CADM1: variants seen among roughly 807,000 people sequenced by gnomAD.
CADM1 encodes TSLC-1.
Under a neutral mutation model 53.1 loss-of-function variants are expected in CADM1, and 15 were observed. That is an observed-to-expected ratio of 0.28 (90% confidence interval 0.19 to 0.44). CADM1 has a LOEUF of 0.44. CADM1 is among the 20% of genes least tolerant of loss of function. CADM1 has a pLI of 1.00. For missense variants in CADM1, 434 were observed against 611.3 expected, an observed-to-expected ratio of 0.71 and a Z score of 3.06; for synonymous variants, 281 against 243.0, an observed-to-expected ratio of 1.16 and a Z score of -1.45.
intron 1 of CADM1, among the ~76,000 whole-genome samples, chr11:115,338,794 G>A (rs914222599): frequency 1.3e-5 from 2 of 151,810 alleles, no homozygotes; most frequent in Non-Finnish European, 2.9e-5. Flanking sequence ...GAAGAGGGGA[G>A]GAGACTGCAA....
chr11:115,497,041 C>CG (rs1276225251), intron 1 of CADM1, among the ~76,000 whole-genome samples: 2 of 152,148 alleles, frequency 1.3e-5, no homozygotes, highest in African/African-American at 4.8e-5. Context: ...CCTCTAGGGA[C>CG]GGCATAACTC....
At chr11:115,179,722 C>CT (rs879893964) in intron 10 of CADM1, among the ~76,000 whole-genome samples, 82 of 148,000 alleles carry the variant, frequency 5.5e-4, no homozygotes, top group Non-Finnish European at 6.6e-4. Context: ...AAACCATTGT[C>CT]TTTTTTTTTT....
At chr11:115,355,147 T>C (rs1260904064) in intron 1 of CADM1, among the ~76,000 whole-genome samples, 1 of 152,176 alleles carries the variant, frequency 6.6e-6, no homozygotes. Context: ...AATCAAGTTC[T>C]CATGCACGCA....
intron 1 of CADM1, among the ~76,000 whole-genome samples, chr11:115,299,122 T>C (rs1944152851): frequency 1.3e-5 from 2 of 152,072 alleles, no homozygotes; most frequent in Non-Finnish European, 2.9e-5. Context: ...AATTTAGAAC[T>C]GGAAGGAAAC....
intron 1 of CADM1, among the ~76,000 whole-genome samples, chr11:115,325,994 G>GTTAC (rs1019119227): frequency 5.9e-5 from 9 of 152,076 alleles, no homozygotes; most frequent in African/African-American, 1.9e-4. Flanking sequence ...AGTTTCAAGG[G>GTTAC]TTACATTTAA....
chr11:115,257,569 C>T (rs187046641), intron 1 of CADM1, among the ~76,000 whole-genome samples: 1 of 152,302 alleles, frequency 6.6e-6, no homozygotes, highest in Non-Finnish European at 1.5e-5. Flanking sequence ...AGTTCTATGA[C>T]ATCTTTTAAA....
intron 1 of CADM1, among the ~76,000 whole-genome samples, chr11:115,349,862 C>G (rs1384702240): frequency 6.6e-6 from 1 of 152,152 alleles, no homozygotes; most frequent in Non-Finnish European, 1.5e-5. Flanking sequence ...GTCTATGGAA[C>G]TGTCGGGGAG....
chr11:115,204,812 T>C (rs11215415), intron 8 of CADM1, among the ~76,000 whole-genome samples: 7,738 of 152,258 alleles, frequency 0.051, 397 homozygotes, highest in East Asian at 0.3. Context: ...AAACAAAAGC[T>C]TATGATTTCA....
intron 1 of CADM1, among the ~76,000 whole-genome samples, chr11:115,474,827 C>A (rs1001558746): frequency 6.6e-6 from 1 of 151,890 alleles, no homozygotes; most frequent in Non-Finnish European, 1.5e-5. Context: ...TGCACATGTA[C>A]CCTAAAACTT....
At chr11:115,200,820 C>T (rs916185940) in intron 8 of CADM1, among the ~76,000 whole-genome samples, 5 of 152,102 alleles carry the variant, frequency 3.3e-5, no homozygotes, top group African/African-American at 1.2e-4. Flanking sequence ...CAGGTAAATA[C>T]TTAAGTACAA....
At chr11:115,385,577 T>C (rs1350212324) in intron 1 of CADM1, among the ~76,000 whole-genome samples, 1 of 151,060 alleles carries the variant, frequency 6.6e-6, no homozygotes, top group Non-Finnish European at 1.5e-5. Flanking sequence ...ACAAAGTCTG[T>C]CTAATAAGAA....
chr11:115,471,239 G>A (rs1305114745), intron 1 of CADM1, among the ~76,000 whole-genome samples: 1 of 152,170 alleles, frequency 6.6e-6, no homozygotes, highest in Non-Finnish European at 1.5e-5. Flanking sequence ...GGGAACACAT[G>A]TCTGTCAAAA....
intron 1 of CADM1, among the ~76,000 whole-genome samples, chr11:115,323,435 T>C (rs556943942): frequency 6.6e-6 from 1 of 152,160 alleles, no homozygotes; most frequent in Non-Finnish European, 1.5e-5. Flanking sequence ...TTCCACAGCA[T>C]AAACATGGAA....
At position 115,214,582 on chromosome 11, in the gene CADM1, G is replaced by C. The variant is rs758904994; in HGVS notation, c.994+26C>G. 1.9e-6 allele frequency: 3 copies of C among 1,604,458 alleles called. No homozygotes were observed. In the East Asian group the frequency reaches 6.7e-5, roughly 36 times the overall value. ...CAGCTCCATGTGACTGACTCTAGTA[G>C]AAGAGCATTTTATCTTCTCACGTAC... On this transcript the variant is annotated intron_variant, in intron 7 of 11. Transcript: ENST00000331581.
chr11:115,424,875 T>C (rs1947852969), intron 1 of CADM1, among the ~76,000 whole-genome samples: 1 of 152,150 alleles, frequency 6.6e-6, no homozygotes, highest in African/African-American at 2.4e-5. Context: ...ACAAAACCCA[T>C]GATCCAGTAA....
intron 1 of CADM1, among the ~76,000 whole-genome samples, chr11:115,480,669 T>C (rs1014322655): frequency 1.3e-5 from 2 of 152,184 alleles, no homozygotes; most frequent in Non-Finnish European, 2.9e-5. Flanking sequence ...GTTTCCAGCC[T>C]CAGCTGGTTG....
chr11:115,429,237 A>T (rs77415537), intron 1 of CADM1, among the ~76,000 whole-genome samples: 47 of 152,356 alleles, frequency 3.1e-4, no homozygotes, highest in African/African-American at 1.1e-3. Context: ...GAACTAAAAA[A>T]AATAGCACTC....
chr11:115,308,175 G>GTGTGTGTA (rs1353212174), intron 1 of CADM1, among the ~76,000 whole-genome samples: 53 of 117,454 alleles, frequency 4.5e-4, no homozygotes, highest in African/African-American at 1.9e-3. Context: ...GTGTGTGTGT[G>GTGTGTGTA]TATATCACTC....
chr11:115,257,057 A>G (rs1387370415), intron 1 of CADM1, among the ~76,000 whole-genome samples: 3 of 152,274 alleles, frequency 2.0e-5, no homozygotes, highest in African/African-American at 4.8e-5. Flanking sequence ...TAATTTCTGC[A>G]GAACAAGCAC....
Sources: gnomAD v4.1 joint callset for allele counts (sites outside exome capture counted in the v4.1 genomes callset) on GRCh38, gnomAD v4.1.1 for gene constraint, MANE v1.5 for transcripts, NCBI Gene and HGNC (gene_info 2026-07-23, HGNC 2026-07-21) for gene names.